The following COL11A1 variants were observed in gnomAD, a reference collection of about 807,000 sequenced individuals.
COL11A1 encodes the protein collagen alpha-1(XI) chain.
In COL11A1, 74 loss-of-function variants were observed where a neutral mutation model predicts 265.2. That is an observed-to-expected ratio of 0.28 (90% confidence interval 0.23 to 0.34). The LOEUF is 0.34. Ranked by LOEUF, COL11A1 falls within the 10% of genes least tolerant of loss-of-function variation. The probability of loss-of-function intolerance (pLI) is 1.00; values close to 1 mark genes in which losing one functional copy is unlikely to be tolerated. For synonymous variants in COL11A1, 816 were observed against 727.6 expected, an observed-to-expected ratio of 1.12 and a Z score of -1.96; for missense variants, 2,165 against 2,263.6, an observed-to-expected ratio of 0.96 and a Z score of 0.88.
intron 41 of COL11A1, among the ~76,000 whole-genome samples, chr1:102,956,121 T>C (rs1375582573): frequency 1.3e-5 from 2 of 152,180 alleles, no homozygotes; most frequent in Admixed American, 1.3e-4. Context: ...ACCCTAACCT[T>C]GAAATACTAG....
chr1:102,921,796 A>T (rs1656018936), intron 47 of COL11A1, among the ~76,000 whole-genome samples: 1 of 152,238 alleles, frequency 6.6e-6, no homozygotes, highest in Non-Finnish European at 1.5e-5. Flanking sequence ...AAACAATTTG[A>T]TTAGAAAATG....
chr1:102,930,224 G>T (rs184717549), intron 46 of COL11A1, among the ~76,000 whole-genome samples: 5,267 of 151,600 alleles, frequency 0.035, 334 homozygotes, highest in African/African-American at 0.12. Context: ...TATTGGCTGT[G>T]GGTTTGTCAT....
At chr1:103,086,459 C>A (rs566433877) in intron 1 of COL11A1, among the ~76,000 whole-genome samples, 227 of 152,300 alleles carry the variant, frequency 1.5e-3, no homozygotes, top group African/African-American at 4.8e-3. Flanking sequence ...CTCTGTTGCC[C>A]AGGCTGGAGT....
At chr1:103,010,205 G>A (rs1005535306) in intron 14 of COL11A1, among the ~76,000 whole-genome samples, 2 of 152,140 alleles carry the variant, frequency 1.3e-5, no homozygotes, top group Admixed American at 6.5e-5. Flanking sequence ...TAGGAAAAAT[G>A]TACAGATGTC....
chr1:103,061,239 C>T (rs1190049912), intron 4 of COL11A1, among the ~76,000 whole-genome samples: 1 of 151,858 alleles, frequency 6.6e-6, no homozygotes, highest in Non-Finnish European at 1.5e-5. Context: ...ATGCACCTAA[C>T]AAAATACATG....
chr1:103,062,185 T>A (rs1670726869), intron 4 of COL11A1, among the ~76,000 whole-genome samples: 1 of 151,914 alleles, frequency 6.6e-6, no homozygotes, highest in African/African-American at 2.4e-5. Flanking sequence ...GAATCAAAAA[T>A]TAATAAACTT....
chr1:103,021,432 G>T (rs1334713862), intron 9 of COL11A1, among the ~76,000 whole-genome samples: 1 of 152,022 alleles, frequency 6.6e-6, no homozygotes, highest in African/African-American at 2.4e-5. Context: ...AAGTCCTTTA[G>T]ATCTCTGGTT....
At chr1:103,043,382 GCCTGGGCT>G (rs77565179) in intron 4 of COL11A1, among the ~76,000 whole-genome samples, 20,771 of 151,730 alleles carry the variant, frequency 0.14, 1,507 homozygotes, top group African/African-American at 0.15. Context: ...ATAGTTTACA[GCCTGGGCT>G]CCTTACTTAA....
At chr1:102,892,583 T>A (rs778859106) in intron 57 of COL11A1, among the ~76,000 whole-genome samples, 1 of 152,194 alleles carries the variant, frequency 6.6e-6, no homozygotes, top group Admixed American at 6.5e-5. Context: ...TCCTATCTCA[T>A]AGAGCTGCTG....
intron 37 of COL11A1, among the ~76,000 whole-genome samples, chr1:102,967,883 C>T (rs576646860): frequency 2.6e-5 from 4 of 152,098 alleles, no homozygotes; most frequent in Non-Finnish European, 4.4e-5. Flanking sequence ...GATTAAAAAT[C>T]AATACTTAAT....
chr1:102,948,197 A>C (rs1659516308), intron 41 of COL11A1, among the ~76,000 whole-genome samples: 1 of 152,090 alleles, frequency 6.6e-6, no homozygotes, highest in African/African-American at 2.4e-5. Flanking sequence ...AACTTGTATT[A>C]ACATAATGCT....
chr1:103,067,517 A>G (rs926671541), intron 4 of COL11A1, among the ~76,000 whole-genome samples: 1 of 151,864 alleles, frequency 6.6e-6, no homozygotes, highest in East Asian at 1.9e-4. Flanking sequence ...TTAAATTTTT[A>G]TACTGGGAAA....
At chr1:103,061,880 T>C (rs1240113125) in intron 4 of COL11A1, among the ~76,000 whole-genome samples, 1 of 151,950 alleles carries the variant, frequency 6.6e-6, no homozygotes, top group African/African-American at 2.4e-5. Flanking sequence ...AAAGTCACCA[T>C]AGAATTAGCA....
intron 41 of COL11A1, among the ~76,000 whole-genome samples, chr1:102,947,664 T>A (rs529900328): frequency 7.2e-5 from 11 of 152,096 alleles, no homozygotes; most frequent in African/African-American, 2.6e-4. Context: ...TTTGCTTTTT[T>A]AAAAAACCTC....
At chr1:102,922,042 TA>T (rs1255853578) in intron 47 of COL11A1, among the ~76,000 whole-genome samples, 1 of 152,198 alleles carries the variant, frequency 6.6e-6, no homozygotes, top group Admixed American at 6.5e-5. Context: ...TAAGAATAAT[TA>T]TTTAATTTCA....
intron 4 of COL11A1, among the ~76,000 whole-genome samples, chr1:103,033,035 T>A (rs1668102919): frequency 6.6e-6 from 1 of 152,094 alleles, no homozygotes; most frequent in African/African-American, 2.4e-5. Flanking sequence ...TCTCTATCCT[T>A]CCCTTTTCCT....
In COL11A1 at chr1:103,002,723, ATTTT is replaced by A; in HGVS notation, c.2043+20_2043+23del. ...TAGGGCTTATATTCAAATATGAGTT[ATTTT>A]ATCACTATTTGCTACATACCATGTT... On this transcript the variant is annotated intron_variant, in intron 22 of 66. Transcript: ENST00000370096. The A allele has an allele frequency of 6.2e-7, 1 of 1,600,020 alleles. No homozygotes were observed.
intron 54 of COL11A1, among the ~76,000 whole-genome samples, chr1:102,901,054 T>G (rs978571489): frequency 2.0e-5 from 3 of 152,096 alleles, no homozygotes; most frequent in Non-Finnish European, 4.4e-5. Context: ...GCACAGCAGT[T>G]CATTCCTGTA....
intron 63 of COL11A1, among the ~76,000 whole-genome samples, chr1:102,886,222 CAA>C (rs1455642091): frequency 6.6e-6 from 1 of 152,028 alleles, no homozygotes; most frequent in Non-Finnish European, 1.5e-5. Flanking sequence ...AAGGTTTTGT[CAA>C]AGAGTTGGTA....
Sources: allele counts gnomAD v4.1 joint callset (sites outside exome capture counted in the v4.1 genomes callset), GRCh38; gene constraint gnomAD v4.1.1; transcripts MANE v1.5; gene names NCBI Gene and HGNC (gene_info 2026-07-23, HGNC 2026-07-21).